RBMS2: variants seen among roughly 807,000 people sequenced by gnomAD.
RBMS2 encodes the protein RNA binding motif single stranded interacting protein 2, also known as RNA-binding motif, single-stranded-interacting protein 2.
RBMS2 carries 38 observed loss-of-function variants against 58.4 expected under a neutral mutation model. The observed-to-expected ratio is 0.65, with a 90% CI of 0.50 to 0.85. The LOEUF is 0.85. RBMS2 is among the 40% of genes least tolerant of loss of function. The pLI, the probability that RBMS2 is intolerant of heterozygous loss-of-function variation, is 0.00. For missense variants in RBMS2, 367 were observed against 503.7 expected (o/e 0.73, Z 2.60); for synonymous variants, 151 against 180.7 (o/e 0.84, Z 1.32).
chr12:56,587,851 C>A, intron 11 of RBMS2, 187 bp downstream of exon 11: 1 of 461,672 alleles, frequency 2.2e-6, no homozygotes, highest in Non-Finnish European at 2.8e-6. Context: ...ATTCTGCTCC[C>A]CAGCCCACCC....
intron 1 of RBMS2, among the ~76,000 whole-genome samples, chr12:56,534,342 T>A (rs1210407819): frequency 6.6e-6 from 1 of 152,218 alleles, no homozygotes; most frequent in Non-Finnish European, 1.5e-5. Flanking sequence ...GTATATAGTA[T>A]CCTTGTGCTA....
chr12:56,553,602 A>G (rs1276754044), intron 1 of RBMS2, among the ~76,000 whole-genome samples: 2 of 151,976 alleles, frequency 1.3e-5, no homozygotes, highest in African/African-American at 4.8e-5. Flanking sequence ...TGCTAGGATT[A>G]CAAGCATGAG....
At chr12:56,551,169 A>G (rs972384869) in intron 1 of RBMS2, among the ~76,000 whole-genome samples, 2 of 151,984 alleles carry the variant, frequency 1.3e-5, no homozygotes, top group African/African-American at 4.8e-5. Flanking sequence ...TCTAACATCC[A>G]TCAATTTGCT....
intron 5 of RBMS2, among the ~76,000 whole-genome samples, chr12:56,573,438 T>C (rs1260965988): frequency 1.5e-5 from 2 of 130,268 alleles, no homozygotes; most frequent in Non-Finnish European, 3.1e-5. Flanking sequence ...GATCGCGCCA[T>C]TGCATTCCAG....
intron 7 of RBMS2, 127 bp downstream of exon 7, chr12:56,581,635 G>A: frequency 8.6e-7 from 1 of 1,168,908 alleles, no homozygotes; most frequent in Non-Finnish European, 1.2e-6. Flanking sequence ...AGAAATGCTG[G>A]CTGTGAACAT....
chr12:56,533,912 T>C (rs1395396444), intron 1 of RBMS2, among the ~76,000 whole-genome samples: 4 of 151,776 alleles, frequency 2.6e-5, no homozygotes, highest in Admixed American at 2.6e-4. Context: ...TATATAGTTA[T>C]ATAACTATAT....
chr12:56,533,800 G>A (rs1343042107), intron 1 of RBMS2, among the ~76,000 whole-genome samples: 1 of 152,008 alleles, frequency 6.6e-6, no homozygotes, highest in Non-Finnish European at 1.5e-5. Flanking sequence ...ATTTTGGACT[G>A]AAAGTCTTTC....
intron 1 of RBMS2, among the ~76,000 whole-genome samples, chr12:56,545,683 G>A (rs1315854424): frequency 2.0e-5 from 3 of 152,116 alleles, no homozygotes; most frequent in Non-Finnish European, 4.4e-5. Flanking sequence ...CATGCAACAT[G>A]TGGTCCTTTG....
chr12:56,589,557 C>G lies in RBMS2; in HGVS notation c.*424C>G, dbSNP rs1885153464. ...AATTTGTAATTATTTCTTTACAAACCAAAACAGAACAGAAAGGTGTGGTGC... is the reference window on the plus strand; with the variant it reads ...AATTTGTAATTATTTCTTTACAAACGAAAACAGAACAGAAAGGTGTGGTGC... On this transcript the variant is annotated 3_prime_UTR_variant, in exon 14 of 14. Transcript: ENST00000262031. 4.7e-6 allele frequency: 1 copy of G among 213,108 alleles called. No homozygotes were observed. Among genetic ancestry groups the G allele is most frequent in the African/African-American group, 2.4e-5 (1 of 42,278 alleles). 13.2% of individuals were successfully genotyped at this position (213,108 alleles called of 1,614,324 possible).
chr12:56,522,939 G>A (rs1872000015), intron 1 of RBMS2, among the ~76,000 whole-genome samples: 1 of 152,128 alleles, frequency 6.6e-6, no homozygotes, highest in Non-Finnish European at 1.5e-5. Context: ...CTCTCTTTGT[G>A]TTGTAGCTGT....
chr12:56,537,401 G>T (rs1222933948), intron 1 of RBMS2, among the ~76,000 whole-genome samples: 1 of 152,114 alleles, frequency 6.6e-6, no homozygotes, highest in Admixed American at 6.5e-5. Flanking sequence ...CTGTCTCGAT[G>T]AATTTGACTA....
In RBMS2 at chr12:56,581,248, C is replaced by A; in HGVS notation, c.607C>A (p.Pro203Thr). ...THFNGKYIKTPPGVPAPSDPL... is the reference protein window; with the variant it reads ...THFNGKYIKTTPGVPAPSDPL... ...CTTTAATGGAAAATATATTAAGACA[C>A]CCCCTGGAGTACCAGGTGAGGCATC... The change falls in exon 6 of 14, where the codon CCC becomes ACC. Residue 203 changes from proline (P) to threonine (T), a missense_variant. Physicochemically the swap from Pro to Thr is conservative, Grantham distance 38. Around this residue, in one of 3 missense-constraint regions of RBMS2, gnomAD observed 220 missense variants for 261.1 expected, o/e 0.84. Transcript: ENST00000262031. The A allele has an allele frequency of 1.9e-6, 3 of 1,605,032 alleles. No individual in the cohort carries two copies. The highest frequency in any genetic ancestry group is 2.2e-5 in the East Asian group (1 of 44,826).
At chr12:56,561,711 G>T (rs2136414706) in intron 1 of RBMS2, among the ~76,000 whole-genome samples, 2 of 150,366 alleles carry the variant, frequency 1.3e-5, no homozygotes, top group Non-Finnish European at 3.0e-5. Flanking sequence ...ATAAACGGGG[G>T]TTCACCACGT....
chr12:56,568,544 T>C (rs543997084), intron 2 of RBMS2, among the ~76,000 whole-genome samples: 11 of 151,124 alleles, frequency 7.3e-5, no homozygotes, highest in South Asian at 2.1e-4. Flanking sequence ...TTTTTCTTTT[T>C]TTTTTTTTTT....
chr12:56,548,474 G>A, intron 1 of RBMS2, among the ~76,000 whole-genome samples: 1 of 152,084 alleles, frequency 6.6e-6, no homozygotes, highest in East Asian at 1.9e-4. Context: ...ACAAATATTT[G>A]CTGAATGACT....
chr12:56,574,003 G>A (rs1401330546), intron 5 of RBMS2, among the ~76,000 whole-genome samples: 1 of 152,102 alleles, frequency 6.6e-6, no homozygotes, highest in African/African-American at 2.4e-5. Flanking sequence ...ACCATGCCCA[G>A]CTAATTTTTG....
intron 5 of RBMS2, among the ~76,000 whole-genome samples, chr12:56,580,067 C>G (rs550607953): frequency 3.3e-5 from 5 of 151,798 alleles, no homozygotes; most frequent in African/African-American, 1.2e-4. Context: ...GTAGCTGGGA[C>G]TACTGGCACG....
intron 1 of RBMS2, among the ~76,000 whole-genome samples, chr12:56,554,203 C>T (rs879278457): frequency 6.6e-6 from 1 of 152,128 alleles, no homozygotes; most frequent in Non-Finnish European, 1.5e-5. Flanking sequence ...ATTGAGCTGT[C>T]ATCTGTCTGC....
rs1885498672 is a variant in RBMS2, at chr12:56,593,880, G to C, written c.*4747G>C. The C allele has an allele frequency of 6.6e-6, 1 of 152,338 alleles. No individual in the cohort carries two copies. Among genetic ancestry groups the C allele is most frequent in the Admixed American group, 6.5e-5 (1 of 15,278 alleles). The allele number at this position is 152,338 out of a possible 1,614,324, so 9.4% of individuals were successfully genotyped here. ...TGTTTTTAACTAAAGAATTTGTAGA[G>C]TTGCCCAGGCCAGGAAGCCTGGTGG... On this transcript the variant is annotated 3_prime_UTR_variant, in exon 14 of 14. Transcript: ENST00000262031.
Sources: gnomAD v4.1 joint callset for allele counts (sites outside exome capture counted in the v4.1 genomes callset) on GRCh38, gnomAD v4.1.1 for gene constraint, gnomAD v4.1.1 regional missense constraint, MANE v1.5 for transcripts, NCBI Gene and HGNC (gene_info 2026-07-23, HGNC 2026-07-21) for gene names.